WWP1: variants seen among roughly 807,000 people sequenced by gnomAD.
The protein encoded by WWP1 is NEDD4-like E3 ubiquitin-protein ligase WWP1.
WWP1 carries 49 observed loss-of-function variants against 130.6 expected under a neutral mutation model. The observed-to-expected ratio is 0.38, with a 90% CI of 0.30 to 0.48. WWP1 has a LOEUF of 0.48. WWP1 is among the 20% of genes least tolerant of loss of function. The pLI is 0.99. For synonymous variants in WWP1, 332 were observed against 367.8 expected, an observed-to-expected ratio of 0.90 and a Z score of 1.11; for missense variants, 809 against 1,100.6, an observed-to-expected ratio of 0.74 and a Z score of 3.75.
At chr8:86,357,851 A>C (rs1191664973) in intron 1 of WWP1, among the ~76,000 whole-genome samples, 1 of 152,190 alleles carries the variant, frequency 6.6e-6, no homozygotes, top group African/African-American at 2.4e-5. Context: ...ACCTCCATGG[A>C]ACGATAGTTT....
chr8:86,394,932 T>TCAA, intron 5 of WWP1, among the ~76,000 whole-genome samples: 1 of 30,550 alleles, frequency 3.3e-5, no homozygotes, highest in African/African-American at 1.0e-4. Flanking sequence ...GCTGTTCTTC[T>TCAA]TAAAAAAAAA....
rs11292432 is a variant in WWP1, at chr8:86,358,480, GTTT to G, written c.-114-10448_-114-10446del. Among the ~76,000 whole-genome samples, 5 of 22,918 alleles carry G rather than the reference GTTT, an allele frequency of 2.2e-4. 1 individual carries two copies. Among genetic ancestry groups the G allele is most frequent in the African/African-American group, 5.2e-4 (5 of 9,558 alleles). 15.0% of individuals were successfully genotyped at this position (22,918 alleles called of 152,430 possible). A position where few individuals can be genotyped will look rare whatever the true frequency, so the allele number is the denominator to read the frequency against. On this transcript the variant is annotated intron_variant, in intron 1 of 24. Transcript: ENST00000517970. Reference sequence around the variant, plus strand: ...TCATTTAATACACATTTATTGAGGAGTTTTTTTTTTTTTCCTTTGGAGACAAGG... The same window carrying G: ...TCATTTAATACACATTTATTGAGGAGTTTTTTTTTTCCTTTGGAGACAAGG...
At chr8:86,368,344 C>T (rs1006339518) in intron 1 of WWP1, among the ~76,000 whole-genome samples, 7 of 152,158 alleles carry the variant, frequency 4.6e-5, no homozygotes, top group Middle Eastern at 3.2e-3. Flanking sequence ...TTCTCTCTAT[C>T]CTGGTTAGGG....
chr8:86,427,813 A>T lies in WWP1; in HGVS notation c.1328A>T (p.Tyr443Phe). 6.2e-7 allele frequency: 1 copy of T among 1,603,806 alleles called. No individual in the cohort carries two copies. Among genetic ancestry groups the T allele is most frequent in the Non-Finnish European group, 8.5e-7 (1 of 1,174,662 alleles). Residue 443 changes from tyrosine (Y) to phenylalanine (F), a missense_variant, in exon 11 of 25, where the codon TAT becomes TTT. By Grantham distance (22) the Tyr-to-Phe change is conservative. Coordinates refer to ENST00000517970, the MANE Select transcript of WWP1 (RefSeq NM_007013.4). ...AMQQFNQRYL[Y>F]SASMLAAEND... ...CAACAGTTTAACCAACGATACCTCT[A>T]TTCGGTAATTAGCAAATTGTAAGAT...
intron 1 of WWP1, among the ~76,000 whole-genome samples, chr8:86,347,091 G>T (rs1007296628): frequency 2.0e-5 from 3 of 151,962 alleles, no homozygotes; most frequent in Admixed American, 2.0e-4. Context: ...CTAAACTGAA[G>T]CCTAGACCTC....
At chr8:86,462,163 A>C (rs1811804788) in intron 24 of WWP1, among the ~76,000 whole-genome samples, 1 of 152,188 alleles carries the variant, frequency 6.6e-6, no homozygotes, top group Non-Finnish European at 1.5e-5. Flanking sequence ...CAGATAAACA[A>C]ATAACTATTT....
At chr8:86,377,668 G>A (rs1205552449) in intron 3 of WWP1, among the ~76,000 whole-genome samples, 1 of 152,114 alleles carries the variant, frequency 6.6e-6, no homozygotes, top group Non-Finnish European at 1.5e-5. Context: ...GTAATATACT[G>A]TAATGTACCA....
intron 1 of WWP1, among the ~76,000 whole-genome samples, chr8:86,355,512 A>C (rs1823202688): frequency 6.6e-6 from 1 of 152,226 alleles, no homozygotes; most frequent in Non-Finnish European, 1.5e-5. Context: ...AGTTTGAATA[A>C]AGTGACCAAT....
In WWP1 at chr8:86,388,749, G is replaced by A. The variant is rs553493776; in HGVS notation, c.334+7120G>A. Among the ~76,000 whole-genome samples the A allele has an allele frequency of 3.4e-4, 52 of 152,086 alleles. No individual in the cohort carries two copies. The South Asian group carries it at 0.01, about 30-fold the overall frequency. On this transcript the variant is annotated intron_variant, in intron 5 of 24. Transcript: ENST00000517970. ...GTTCTTAATTTATTTAAACATCTTG[G>A]TAGATTATATTAGCCAATAATTCTT...
At position 86,432,641 on chromosome 8, in the gene WWP1, C is replaced by T. The variant is rs187311908; in HGVS notation, c.1601+898C>T. Among the ~76,000 whole-genome samples, 460 of 151,036 alleles carry T rather than the reference C, an allele frequency of 3.0e-3. 2 individuals carry two copies. The highest frequency in any genetic ancestry group is 0.011 in the African/African-American group (439 of 41,174). On this transcript the variant is annotated intron_variant, in intron 14 of 24. Coordinates refer to ENST00000517970, the MANE Select transcript of WWP1 (RefSeq NM_007013.4). The stretch of plus-strand genomic sequence containing the variant: ...TTTTTTTTTGAGACGGACTTTCGCT[C>T]CTGTTGCCCAGGCTGGAGTGCAATG...
At chr8:86,399,142 T>A (rs1206084630) in intron 7 of WWP1, among the ~76,000 whole-genome samples, 1 of 152,244 alleles carries the variant, frequency 6.6e-6, no homozygotes, top group African/African-American at 2.4e-5. Context: ...TTATTTTTTT[T>A]ATTGAAAATG....
In WWP1 at chr8:86,375,426, G is replaced by A. The variant is rs183338778; in HGVS notation, c.70+1306G>A. Among the ~76,000 whole-genome samples, 38 of 152,136 alleles carry A rather than the reference G, an allele frequency of 2.5e-4. No individual in the cohort carries two copies. The East Asian group carries it at 6.6e-3, about 26-fold the overall frequency. On this transcript the variant is annotated intron_variant, in intron 3 of 24. Transcript: ENST00000517970. ...TTTTCCCACTTCTCTCCCTTGCCCT[G>A]TAGGTTCACATTTTTATTAGTTTTG...
In WWP1 at chr8:86,468,250, T is replaced by A. The variant is rs1426392040; in HGVS notation, c.*1357T>A. 2.7e-6 allele frequency: 1 copy of A among 372,234 alleles called. No homozygotes were observed. The highest frequency in any genetic ancestry group is 5.1e-6 in the Non-Finnish European group (1 of 194,750). The allele number at this position is 372,234 out of a possible 1,614,324, so 23.1% of individuals were successfully genotyped here. On this transcript the variant is annotated 3_prime_UTR_variant, in exon 25 of 25. Transcript: ENST00000517970. ...TATAAATATTTCACTGCTAAGTACA[T>A]ACAGAAAAACAGTAATTATTGTTTT...
intron 11 of WWP1, among the ~76,000 whole-genome samples, chr8:86,429,034 A>T (rs1007864713): frequency 6.6e-6 from 1 of 151,960 alleles, no homozygotes. Context: ...TGCTGCATTG[A>T]CTCAGTAGTG....
rs1352284471 is a variant in WWP1, at chr8:86,467,126, AG to A, written c.*234del. 1.3e-5 allele frequency: 5 copies of A among 384,136 alleles called. No homozygotes were observed. Among genetic ancestry groups the A allele is most frequent in the Non-Finnish European group, 2.3e-5 (5 of 217,216 alleles). 23.8% of individuals were successfully genotyped at this position (384,136 alleles called of 1,614,324 possible). ...AAGATCATCCTTAAATTTTGAAGCA[AG>A]TGAGAGACTTTATTAAAAATACATA... On this transcript the variant is annotated 3_prime_UTR_variant, in exon 25 of 25. Coordinates refer to ENST00000517970, the MANE Select transcript of WWP1 (RefSeq NM_007013.4).
rs139175959 is a variant in WWP1, at chr8:86,346,588, G to T, written c.-115+3658G>T. ...AGCTAGCTAGTACGGTTAAAGTGTA[G>T]TGCGATTGGTAAACAGTTGACTTTT... On this transcript the variant is annotated intron_variant, in intron 1 of 24. Coordinates refer to ENST00000517970, the MANE Select transcript of WWP1 (RefSeq NM_007013.4). Among the ~76,000 whole-genome samples, 56 of 152,244 alleles carry T rather than the reference G, an allele frequency of 3.7e-4. 1 individual carries two copies. The highest frequency in any genetic ancestry group is 1.3e-3 in the African/African-American group (54 of 41,538).
chr8:86,372,092 C>T (rs565745473), intron 2 of WWP1, among the ~76,000 whole-genome samples: 68 of 140,926 alleles, frequency 4.8e-4, no homozygotes, highest in Admixed American at 3.5e-3. Context: ...GGCGCGATCT[C>T]GACTCACTGC....
At chr8:86,366,418 T>C (rs1823969387) in intron 1 of WWP1, among the ~76,000 whole-genome samples, 1 of 152,168 alleles carries the variant, frequency 6.6e-6, no homozygotes, top group Non-Finnish European at 1.5e-5. Flanking sequence ...GGTGATGATA[T>C]GGACAGAGAG....
intron 5 of WWP1, among the ~76,000 whole-genome samples, chr8:86,387,485 ATATT>A (rs769835999): frequency 1.1e-4 from 16 of 151,802 alleles, no homozygotes; most frequent in African/African-American, 2.2e-4. Flanking sequence ...TCATATATGT[ATATT>A]TATTTATTTA....
Sources: allele counts gnomAD v4.1 joint callset (sites outside exome capture counted in the v4.1 genomes callset), GRCh38; gene constraint gnomAD v4.1.1; transcripts MANE v1.5; gene names NCBI Gene and HGNC (gene_info 2026-07-23, HGNC 2026-07-21).